TNKS2: variants seen among roughly 807,000 people sequenced by gnomAD.
TNKS2 encodes the protein tankyrase 2, also known as poly [ADP-ribose] polymerase tankyrase-2.
In TNKS2, 72 loss-of-function variants were observed where a neutral mutation model predicts 137.6. The ratio of observed to expected loss-of-function variants is 0.52; its 90% CI spans 0.43 to 0.64. The LOEUF is 0.64. Among genes scored for constraint, TNKS2 ranks in the 30% least tolerant of loss-of-function variants. The probability of loss-of-function intolerance (pLI) is 0.00; values close to 1 mark genes in which losing one functional copy is unlikely to be tolerated. For synonymous variants in TNKS2, 516 were observed against 512.1 expected (o/e 1.01, Z -0.10); for missense variants, 1,049 against 1,410.2 (o/e 0.74, Z 4.10).
intron 9 of TNKS2, among the ~76,000 whole-genome samples, chr10:91,829,962 C>T (rs769684689): frequency 1.3e-5 from 2 of 152,142 alleles, no homozygotes; most frequent in East Asian, 1.9e-4. Flanking sequence ...ACCTATTGTG[C>T]AGATATTAGG....
chr10:91,805,885 T>A (rs1008279067), intron 1 of TNKS2, among the ~76,000 whole-genome samples: 2 of 152,152 alleles, frequency 1.3e-5, no homozygotes, highest in Non-Finnish European at 2.9e-5. Context: ...AACCATAGAT[T>A]AGGGCAACTG....
intron 1 of TNKS2, among the ~76,000 whole-genome samples, chr10:91,811,779 G>T (rs2133598684): frequency 6.6e-6 from 1 of 152,324 alleles, no homozygotes; most frequent in Non-Finnish European, 1.5e-5. Flanking sequence ...AGAATGGAGG[G>T]CTGGGCGCAG....
intron 6 of TNKS2, among the ~76,000 whole-genome samples, chr10:91,821,195 G>T (rs765679720): frequency 6.6e-6 from 1 of 152,034 alleles, no homozygotes; most frequent in African/African-American, 2.4e-5. Context: ...ACACCACCAC[G>T]CCTGGCTAAT....
At chr10:91,855,150 T>G in intron 22 of TNKS2, 24 bp downstream of exon 22, 1 of 1,398,428 alleles carries the variant, frequency 7.2e-7, no homozygotes, top group Non-Finnish European at 1.0e-6. Context: ...ACTTCAATAG[T>G]AGGTTTGCCG....
At chr10:91,812,650 C>A in intron 1 of TNKS2, 1 of 386,590 alleles carries the variant, frequency 2.6e-6, no homozygotes, top group Non-Finnish European at 3.5e-6. Flanking sequence ...AAAATGTATA[C>A]ATACTAAATA....
intron 11 of TNKS2, among the ~76,000 whole-genome samples, chr10:91,832,699 T>C (rs756895942): frequency 4.6e-5 from 7 of 152,272 alleles, no homozygotes; most frequent in Non-Finnish European, 8.8e-5. Context: ...AACACACTAG[T>C]GTCCGCAGGA....
At position 91,831,150 on chromosome 10, in the gene TNKS2, T is replaced by A; in HGVS notation, c.1244T>A (p.Val415Asp). The A allele has an allele frequency of 6.2e-7, 1 of 1,613,900 alleles. No individual in the cohort carries two copies. ...HVASEKAHND[V>D]VEVVVKHEAK... ...GCATCTGAGAAAGCTCATAATGATG[T>A]TGTTGAAGTAGTGGTGAAACATGAA... Residue 415 changes from valine (V) to aspartate (D), a missense_variant, in exon 11 of 27, where the codon GTT becomes GAT. Physicochemically the swap from Val to Asp is radical, Grantham distance 152 (BLOSUM62 -3). Coordinates refer to ENST00000371627, the MANE Select transcript of TNKS2 (RefSeq NM_025235.4).
At chr10:91,811,082 G>C (rs569139459) in intron 1 of TNKS2, among the ~76,000 whole-genome samples, 1 of 150,614 alleles carries the variant, frequency 6.6e-6, no homozygotes, top group South Asian at 2.1e-4. Context: ...GCGCCACCAC[G>C]CCCAGCTAAT....
chr10:91,858,522 T>C (rs1842772280), intron 24 of TNKS2, among the ~76,000 whole-genome samples: 1 of 152,224 alleles, frequency 6.6e-6, no homozygotes, highest in Non-Finnish European at 1.5e-5. Context: ...GTGATCTTGA[T>C]AAATGAATTA....
intron 12 of TNKS2, among the ~76,000 whole-genome samples, chr10:91,834,774 T>G (rs1841944492): frequency 6.6e-6 from 1 of 152,206 alleles, no homozygotes; most frequent in Non-Finnish European, 1.5e-5. Flanking sequence ...TCCCCATTAC[T>G]TCCCCCATAC....
At chr10:91,828,488 G>A (rs926500608) in intron 9 of TNKS2, 82 bp downstream of exon 9, 1 of 1,299,912 alleles carries the variant, frequency 7.7e-7, no homozygotes, top group Non-Finnish European at 1.0e-6. Context: ...TTTAGAACTA[G>A]CATTTTTTTG....
intron 1 of TNKS2, among the ~76,000 whole-genome samples, chr10:91,808,916 A>G (rs150954159): frequency 1.3e-5 from 2 of 152,188 alleles, no homozygotes; most frequent in East Asian, 1.9e-4. Flanking sequence ...CCACAAACCT[A>G]TTTTCATCTG....
chr10:91,860,474 A>G (rs752968531), intron 25 of TNKS2, among the ~76,000 whole-genome samples: 5 of 152,182 alleles, frequency 3.3e-5, no homozygotes, highest in Non-Finnish European at 7.4e-5. Flanking sequence ...GTTTCTACCA[A>G]GTTCCCAGAT....
In TNKS2 at chr10:91,864,809, T is replaced by C. The variant is rs1401647043; in HGVS notation, c.*1810T>C. The stretch of plus-strand genomic sequence containing the variant: ...GCTTCCAGGTTTTATAATTAGAAGA[T>C]AATGAGAGAATTAATGGGGTTTATA... On this transcript the variant is annotated 3_prime_UTR_variant, in exon 27 of 27. Coordinates refer to ENST00000371627, the MANE Select transcript of TNKS2 (RefSeq NM_025235.4). 1 of 152,614 alleles carries C rather than the reference T, an allele frequency of 6.6e-6. No individual in the cohort carries two copies. The highest frequency in any genetic ancestry group is 1.5e-5 in the Non-Finnish European group (1 of 68,034). 9.5% of individuals were successfully genotyped at this position (152,614 alleles called of 1,614,324 possible).
intron 25 of TNKS2, 72 bp from the exon 26 acceptor site, chr10:91,861,927 C>T: frequency 2.2e-6 from 3 of 1,346,566 alleles, no homozygotes; most frequent in Admixed American, 4.9e-5. Context: ...AAAACTTATG[C>T]CGTGTCCACA....
chr10:91,814,470 C>CTAAG (rs1844608722), intron 2 of TNKS2, among the ~76,000 whole-genome samples: 1 of 152,072 alleles, frequency 6.6e-6, no homozygotes, highest in Admixed American at 6.6e-5. Flanking sequence ...ACTTACATAG[C>CTAAG]TAAGTGTGCA....
chr10:91,862,190 C>T, intron 26 of TNKS2, 35 bp downstream of exon 26: 1 of 1,493,230 alleles, frequency 6.7e-7, no homozygotes, highest in Non-Finnish European at 9.0e-7. Context: ...TTCAAAAATG[C>T]TAGGGAGGCA....
At chr10:91,812,661 C>T (rs1935030) in intron 1 of TNKS2, 304,057 of 489,404 alleles carry the variant, frequency 0.62, 97,188 homozygotes, top group East Asian at 0.91. Context: ...ATACTAAATA[C>T]GCAGAACTCT....
intron 7 of TNKS2, among the ~76,000 whole-genome samples, chr10:91,826,768 A>T (rs1564614112): frequency 6.6e-6 from 1 of 152,310 alleles, no homozygotes; most frequent in South Asian, 2.1e-4. Context: ...ATGCAGGTTA[A>T]ATCTAAAGCT....
Sources: allele counts gnomAD v4.1 joint callset (sites outside exome capture counted in the v4.1 genomes callset), GRCh38; gene constraint gnomAD v4.1.1; transcripts MANE v1.5; gene names NCBI Gene and HGNC (gene_info 2026-07-23, HGNC 2026-07-21).